The following VTI1B variants were observed in gnomAD, a reference collection of about 807,000 sequenced individuals.
VTI1B encodes the protein vesicle transport through interaction with t-SNAREs homolog 1B.
VTI1B carries 18 observed loss-of-function variants against 28.6 expected under a neutral mutation model. That is an observed-to-expected ratio of 0.63 (90% CI 0.43 to 0.93). The LOEUF (loss-of-function observed/expected upper bound fraction) is 0.93. Among genes scored for constraint, VTI1B ranks in the 40% least tolerant of loss-of-function variants. VTI1B has a pLI of 0.00. For missense variants in VTI1B, 283 were observed against 297.0 expected (o/e 0.95, Z 0.35); for synonymous variants, 100 against 107.9 (o/e 0.93, Z 0.46).
chr14:67,657,598 G>A lies in VTI1B; in HGVS notation c.367-1009C>T, dbSNP rs983593478. Among the ~76,000 whole-genome samples, 44 of 112,424 alleles carry A rather than the reference G, an allele frequency of 3.9e-4. No individual in the cohort carries two copies. The East Asian group carries it at 9.0e-3, about 23-fold the overall frequency. 73.8% of individuals were successfully genotyped at this position (112,424 alleles called of 152,430 possible). A position where few individuals can be genotyped will look rare whatever the true frequency, so the allele number is the denominator to read the frequency against. On this transcript the variant is annotated intron_variant, in intron 3 of 5. Coordinates refer to ENST00000554659, the MANE Select transcript of VTI1B (RefSeq NM_006370.3). ...AGCTGTTCAAAGCACGCGCGCGCGT[G>A]CACACACACACACACACACACACAC...
rs111673581 is a variant in VTI1B, at chr14:67,662,182, A to C, written c.174+295T>G. Among the ~76,000 whole-genome samples, 781 of 152,016 alleles carry C rather than the reference A, an allele frequency of 5.1e-3. 3 individuals are homozygous for C. The highest frequency in any genetic ancestry group is 0.012 in the East Asian group (60 of 5,156). On this transcript the variant is annotated intron_variant, in intron 2 of 5. Coordinates refer to ENST00000554659, the MANE Select transcript of VTI1B (RefSeq NM_006370.3). ...AAACAAACAACAACAACAACAACAAAAAAAAAAACAACAGATTTTAAAAGA... is the reference window on the plus strand; with the variant it reads ...AAACAAACAACAACAACAACAACAACAAAAAAAACAACAGATTTTAAAAGA...
In VTI1B at chr14:67,650,630, C is replaced by A; in HGVS notation, c.*755G>T. On this transcript the variant is annotated 3_prime_UTR_variant, in exon 6 of 6. Transcript: ENST00000554659. Reference sequence around the variant, plus strand: ...AAATGGACTCTTGTTTTTACTTTGGCTTGTTCTCCCTGTCCCAGTGGGATG... The same window carrying A: ...AAATGGACTCTTGTTTTTACTTTGGATTGTTCTCCCTGTCCCAGTGGGATG... 1 of 1,290,536 alleles carries A rather than the reference C, an allele frequency of 7.7e-7. No individual in the cohort carries two copies. Among genetic ancestry groups the A allele is most frequent in the Non-Finnish European group, 1.1e-6 (1 of 892,532 alleles). The allele number at this position is 1,290,536 out of a possible 1,614,324, so 79.9% of individuals were successfully genotyped here. A position where few individuals can be genotyped will look rare whatever the true frequency, so the allele number is the denominator to read the frequency against.
chr14:67,663,880 T>G (rs2037370050), intron 1 of VTI1B, among the ~76,000 whole-genome samples: 1 of 152,078 alleles, frequency 6.6e-6, no homozygotes, highest in Non-Finnish European at 1.5e-5. Flanking sequence ...CTTAGATAAT[T>G]TCCTTCATTT....
chr14:67,658,817 A>T (rs1204692575), intron 3 of VTI1B, among the ~76,000 whole-genome samples: 1 of 152,174 alleles, frequency 6.6e-6, no homozygotes, highest in Non-Finnish European at 1.5e-5. Context: ...TAAGTACTTC[A>T]TTCTCAAGGG....
chr14:67,673,288 G>A (rs912921618), intron 1 of VTI1B, among the ~76,000 whole-genome samples: 12 of 152,038 alleles, frequency 7.9e-5, no homozygotes, highest in African/African-American at 2.9e-4. Flanking sequence ...AGGTTGCAGT[G>A]AGCCGAGATC....
chr14:67,670,384 T>C (rs17782603), intron 1 of VTI1B, among the ~76,000 whole-genome samples: 68,317 of 151,882 alleles, frequency 0.45, 17,909 homozygotes, highest in Non-Finnish European at 0.61. Context: ...GAGTATTCCA[T>C]GTTTTACTCC....
At chr14:67,672,708 G>A (rs1009783593) in intron 1 of VTI1B, among the ~76,000 whole-genome samples, 6 of 152,006 alleles carry the variant, frequency 3.9e-5, no homozygotes, top group Non-Finnish European at 7.4e-5. Flanking sequence ...TTCCCCAAGT[G>A]CTGGAATTAC....
At chr14:67,667,777 T>C (rs2037419088) in intron 1 of VTI1B, among the ~76,000 whole-genome samples, 2 of 152,192 alleles carry the variant, frequency 1.3e-5, no homozygotes, top group Admixed American at 6.5e-5. Flanking sequence ...ACCCTGTCTC[T>C]ACTAAAAATA....
At chr14:67,671,945 T>A (rs2037469864) in intron 1 of VTI1B, among the ~76,000 whole-genome samples, 1 of 152,218 alleles carries the variant, frequency 6.6e-6, no homozygotes, top group South Asian at 2.1e-4. Flanking sequence ...TCCCACCTCT[T>A]AATGCGATTA....
intron 5 of VTI1B, among the ~76,000 whole-genome samples, chr14:67,652,012 C>T (rs906582596): frequency 5.3e-5 from 8 of 152,224 alleles, no homozygotes; most frequent in African/African-American, 1.9e-4. Context: ...CTCATGTTCA[C>T]TCTAGGTTTC....
intron 3 of VTI1B, among the ~76,000 whole-genome samples, chr14:67,659,476 T>G (rs930577677): frequency 1.3e-5 from 2 of 152,120 alleles, no homozygotes; most frequent in African/African-American, 4.8e-5. Context: ...GCACTGTTTT[T>G]TTTTTATTAT....
chr14:67,656,326 G>A (rs1217062183), intron 4 of VTI1B, 90 bp downstream of exon 4: 1 of 1,227,982 alleles, frequency 8.1e-7, no homozygotes, highest in Non-Finnish European at 1.1e-6. Context: ...ATACAGAACT[G>A]CTGTAGCTTT....
chr14:67,656,089 T>C (rs112074744), intron 4 of VTI1B, among the ~76,000 whole-genome samples: 1 of 151,728 alleles, frequency 6.6e-6, no homozygotes, highest in African/African-American at 2.4e-5. Context: ...CTACTAAAAA[T>C]ACAAACATTA....
chr14:67,666,900 G>A (rs2037408446), intron 1 of VTI1B, among the ~76,000 whole-genome samples: 1 of 152,100 alleles, frequency 6.6e-6, no homozygotes, highest in African/African-American at 2.4e-5. Flanking sequence ...TTTAACAACT[G>A]GTAAAATCTG....
intron 1 of VTI1B, among the ~76,000 whole-genome samples, chr14:67,666,857 T>G (rs1414371232): frequency 6.6e-6 from 1 of 152,238 alleles, no homozygotes; most frequent in East Asian, 1.9e-4. Flanking sequence ...TGTATACAAC[T>G]GAGGGGCATT....
rs2037159866 is a variant in VTI1B at position 67,650,566 on chromosome 14, G to A, written c.*819C>T. On this transcript the variant is annotated 3_prime_UTR_variant, in exon 6 of 6. Transcript: ENST00000554659. ...TTAAATTCATGGCCAAGAGGATGAG[G>A]TGCAAGGGGCTTCCTAAAAATAGGT... 3.0e-6 allele frequency: 2 copies of A among 665,016 alleles called. No homozygotes were observed. Among genetic ancestry groups the A allele is most frequent in the Non-Finnish European group, 5.3e-6 (2 of 377,202 alleles). The allele number at this position is 665,016 out of a possible 1,614,324, so 41.2% of individuals were successfully genotyped here.
intron 3 of VTI1B, among the ~76,000 whole-genome samples, chr14:67,659,515 A>T (rs1204149020): frequency 6.6e-6 from 1 of 152,136 alleles, no homozygotes; most frequent in Non-Finnish European, 1.5e-5. Flanking sequence ...GGATAAAAAG[A>T]AATCTAAATA....
chr14:67,647,981 G>C lies in VTI1B; in HGVS notation c.*3404C>G. 1 of 1,449,032 alleles carries C rather than the reference G, an allele frequency of 6.9e-7. No individual in the cohort carries two copies. Among genetic ancestry groups the C allele is most frequent in the Non-Finnish European group, 9.4e-7 (1 of 1,061,486 alleles). 89.8% of individuals were successfully genotyped at this position (1,449,032 alleles called of 1,614,324 possible). ...ATCAAGGAGTTGCAACCATAAGAAG[G>C]ATGAGTGTCCAAGGACAACCAGTTA... is the stretch of plus-strand genomic sequence containing the variant. On this transcript the variant is annotated 3_prime_UTR_variant, in exon 6 of 6. Coordinates refer to ENST00000554659, the MANE Select transcript of VTI1B (RefSeq NM_006370.3).
intron 1 of VTI1B, 86 bp downstream of exon 1, chr14:67,674,289 C>G: frequency 7.8e-7 from 1 of 1,281,494 alleles, no homozygotes; most frequent in Non-Finnish European, 1.0e-6. Context: ...GAGACGCGGG[C>G]CCGGGTCTGG....
Sources: gnomAD v4.1 joint callset for allele counts (sites outside exome capture counted in the v4.1 genomes callset) on GRCh38, gnomAD v4.1.1 for gene constraint, MANE v1.5 for transcripts, NCBI Gene and HGNC (gene_info 2026-07-23, HGNC 2026-07-21) for gene names.